The following SYT1 variants were observed in gnomAD, a reference collection of about 807,000 sequenced individuals.
SYT1 encodes synaptotagmin-1.
SYT1 carries 8 observed loss-of-function variants against 44.8 expected under a neutral mutation model. The observed-to-expected ratio is 0.18, with a 90% CI of 0.10 to 0.32. SYT1 has a LOEUF of 0.32. Ranked by LOEUF, SYT1 falls within the 10% of genes least tolerant of loss-of-function variation. The probability of loss-of-function intolerance (pLI) is 1.00; values close to 1 mark genes in which losing one functional copy is unlikely to be tolerated. For missense variants in SYT1, 286 were observed against 509.3 expected (o/e 0.56, Z 4.22); for synonymous variants, 154 against 188.8 (o/e 0.82, Z 1.51).
chr12:79,041,100 A>C (rs933181076), intron 2 of SYT1, among the ~76,000 whole-genome samples: 1 of 152,016 alleles, frequency 6.6e-6, no homozygotes, highest in African/African-American at 2.4e-5. Flanking sequence ...TTGACTTGGC[A>C]ATGCGGGCTC....
intron 2 of SYT1, among the ~76,000 whole-genome samples, chr12:78,983,603 A>C (rs1040840415): frequency 1.3e-5 from 2 of 152,082 alleles, no homozygotes; most frequent in Non-Finnish European, 2.9e-5. Flanking sequence ...ATTGTTTATA[A>C]ATTTTTCACA....
intron 4 of SYT1, among the ~76,000 whole-genome samples, chr12:79,270,738 A>C (rs936600458): frequency 1.3e-5 from 2 of 152,180 alleles, no homozygotes; most frequent in Non-Finnish European, 2.9e-5. Context: ...GCTGACTATG[A>C]ATGGGAATGA....
At chr12:78,972,568 T>G (rs766263197) in intron 1 of SYT1, among the ~76,000 whole-genome samples, 1 of 151,556 alleles carries the variant, frequency 6.6e-6, no homozygotes, top group Non-Finnish European at 1.5e-5. Context: ...TGAGGCACAT[T>G]TCTCTAAATT....
intron 1 of SYT1, among the ~76,000 whole-genome samples, chr12:78,946,696 A>G (rs746897173): frequency 6.6e-6 from 1 of 151,832 alleles, no homozygotes; most frequent in Non-Finnish European, 1.5e-5. Flanking sequence ...CTCTGTCAAA[A>G]AAAAGAAAAA....
chr12:79,102,258 C>G (rs1011093173), intron 3 of SYT1, among the ~76,000 whole-genome samples: 4 of 148,344 alleles, frequency 2.7e-5, no homozygotes, highest in Non-Finnish European at 6.0e-5. Flanking sequence ...CTTTCCTTCT[C>G]TCTCTCTCTC....
intron 2 of SYT1, among the ~76,000 whole-genome samples, chr12:79,008,153 T>C (rs1037311449): frequency 6.6e-6 from 1 of 152,038 alleles, no homozygotes; most frequent in African/African-American, 2.4e-5. Context: ...AGAGAAAGGC[T>C]GTCTGAAATG....
intron 9 of SYT1, among the ~76,000 whole-genome samples, chr12:79,377,061 T>C (rs1430375038): frequency 3.3e-5 from 5 of 152,198 alleles, no homozygotes; most frequent in African/African-American, 4.8e-5. Flanking sequence ...GTGCCATGTA[T>C]TGTTAAATCT....
At chr12:79,135,025 T>C (rs896547990) in intron 3 of SYT1, among the ~76,000 whole-genome samples, 2 of 150,814 alleles carry the variant, frequency 1.3e-5, no homozygotes, top group Non-Finnish European at 1.5e-5. Context: ...TAACAATGTG[T>C]TAACTAACTT....
At chr12:78,928,454 C>T (rs964684426) in intron 1 of SYT1, among the ~76,000 whole-genome samples, 7 of 152,134 alleles carry the variant, frequency 4.6e-5, no homozygotes, top group African/African-American at 1.7e-4. Context: ...CATTAGCAAC[C>T]TCAACCTCAG....
At chr12:78,973,376 C>G (rs942170913) in intron 1 of SYT1, among the ~76,000 whole-genome samples, 17 of 152,022 alleles carry the variant, frequency 1.1e-4, no homozygotes, top group African/African-American at 4.1e-4. Context: ...AATTTTGTTT[C>G]TTTTGGTCAA....
At chr12:78,885,451 CAAA>C (rs754166004) in intron 1 of SYT1, among the ~76,000 whole-genome samples, 1 of 151,072 alleles carries the variant, frequency 6.6e-6, no homozygotes. Context: ...TGATTGCTAT[CAAA>C]AAAATAAAAA....
intron 1 of SYT1, among the ~76,000 whole-genome samples, chr12:78,918,944 C>A (rs1876825230): frequency 6.6e-6 from 1 of 151,888 alleles, no homozygotes; most frequent in South Asian, 2.1e-4. Context: ...AAATTCTTAA[C>A]TAATTTATTT....
At chr12:79,363,999 T>C (rs1029209408) in intron 9 of SYT1, among the ~76,000 whole-genome samples, 2 of 152,138 alleles carry the variant, frequency 1.3e-5, no homozygotes, top group Non-Finnish European at 2.9e-5. Flanking sequence ...AACAATCAGT[T>C]TTAAATTTTT....
At chr12:79,109,085 G>A (rs1018769976) in intron 3 of SYT1, among the ~76,000 whole-genome samples, 14 of 152,124 alleles carry the variant, frequency 9.2e-5, no homozygotes, top group African/African-American at 3.1e-4. Context: ...CCCTGCTAGG[G>A]TGCTTCCAGC....
intron 3 of SYT1, among the ~76,000 whole-genome samples, chr12:79,130,057 C>T (rs1218571615): frequency 6.6e-6 from 1 of 152,038 alleles, no homozygotes; most frequent in African/African-American, 2.4e-5. Context: ...AAACTTTTTT[C>T]ATTGTACATA....
intron 2 of SYT1, among the ~76,000 whole-genome samples, chr12:79,043,788 C>T (rs1052949908): frequency 6.6e-6 from 1 of 152,122 alleles, no homozygotes; most frequent in Non-Finnish European, 1.5e-5. Context: ...CCATGTTTAG[C>T]ACTTCCTTCA....
chr12:78,875,464 A>G (rs1874016462), intron 1 of SYT1, among the ~76,000 whole-genome samples: 1 of 151,650 alleles, frequency 6.6e-6, no homozygotes, highest in African/African-American at 2.4e-5. Flanking sequence ...TGATCAACCA[A>G]AAGGAAAAGG....
chr12:79,290,935 T>A (rs1262423377), intron 5 of SYT1, among the ~76,000 whole-genome samples: 2 of 152,196 alleles, frequency 1.3e-5, no homozygotes, highest in Non-Finnish European at 2.9e-5. Context: ...AATTTTGTAT[T>A]TTTTTAATTT....
rs1363719635 is a variant in SYT1 at position 79,263,111 on chromosome 12, C to G, written c.167-22676C>G. 3.3e-5 allele frequency among the ~76,000 whole-genome samples: 5 copies of G among 152,118 alleles called. No individual in the cohort carries two copies. The East Asian group carries it at 5.8e-4, about 18-fold the overall frequency. ...CATTTGTCTCCAATGCGTGATAGGACTTCAAAGAGTCATGATTAAAGAAAT... is the reference window on the plus strand; with the variant it reads ...CATTTGTCTCCAATGCGTGATAGGAGTTCAAAGAGTCATGATTAAAGAAAT... On this transcript the variant is annotated intron_variant, in intron 4 of 10. Transcript: ENST00000261205.
Sources: gnomAD v4.1 joint callset for allele counts (sites outside exome capture counted in the v4.1 genomes callset) on GRCh38, gnomAD v4.1.1 for gene constraint, MANE v1.5 for transcripts, NCBI Gene and HGNC (gene_info 2026-07-23, HGNC 2026-07-21) for gene names.